Variants in BNC2 observed in about 807,000 individuals in gnomAD.
BNC2 encodes zinc finger protein basonuclin-2.
Under a neutral mutation model 76.3 loss-of-function variants are expected in BNC2, and 20 were observed. The ratio of observed to expected loss-of-function variants is 0.26; its 90% CI spans 0.18 to 0.38. BNC2 has a LOEUF of 0.38. Among genes scored for constraint, BNC2 ranks in the 10% least tolerant of loss-of-function variants. The probability of loss-of-function intolerance (pLI) is 1.00; values close to 1 mark genes in which losing one functional copy is unlikely to be tolerated. For synonymous variants in BNC2, 582 were observed against 514.8 expected (o/e 1.13, Z -1.77); for missense variants, 1,382 against 1,399.8 (o/e 0.99, Z 0.20).
chr9:16,682,073 T>C (rs938177509), intron 3 of BNC2, among the ~76,000 whole-genome samples: 2 of 152,050 alleles, frequency 1.3e-5, no homozygotes, highest in African/African-American at 4.8e-5. Context: ...GGGGATGTTG[T>C]GGATGTATCT....
intron 4 of BNC2, chr9:16,579,967 G>T (rs1168884760): frequency 2.5e-6 from 1 of 396,648 alleles, no homozygotes; most frequent in African/African-American, 2.1e-5. Flanking sequence ...AACCATTCTG[G>T]GCAATGTATC....
chr9:16,575,373 C>G, intron 4 of BNC2: 3 of 985,332 alleles, frequency 3.0e-6, no homozygotes, highest in Non-Finnish European at 3.6e-6. Flanking sequence ...CAGGTCTTGC[C>G]AGCCTCACTT....
chr9:16,452,873 A>T (rs1587044327), intron 5 of BNC2, among the ~76,000 whole-genome samples: 1 of 152,160 alleles, frequency 6.6e-6, no homozygotes, highest in African/African-American at 2.4e-5. Context: ...CTATTTTATA[A>T]GGAAAACTTC....
At chr9:16,497,978 G>GGTGTGTGTGTGTGTGTGTGT (rs34523754) in intron 5 of BNC2, among the ~76,000 whole-genome samples, 3 of 134,840 alleles carry the variant, frequency 2.2e-5, no homozygotes, top group African/African-American at 7.9e-5. Flanking sequence ...AAGAAACTGT[G>GGTGTGTGTGTGTGTGTGTGT]GTGTGTGTGT....
chr9:16,440,681 G>C (rs1440463866), intron 5 of BNC2, among the ~76,000 whole-genome samples: 1 of 152,152 alleles, frequency 6.6e-6, no homozygotes, highest in Non-Finnish European at 1.5e-5. Context: ...GTACAGAGCA[G>C]TCCCATATGG....
chr9:16,838,659 T>C (rs886535074), intron 1 of BNC2, among the ~76,000 whole-genome samples: 3 of 152,200 alleles, frequency 2.0e-5, no homozygotes, highest in Non-Finnish European at 2.9e-5. Context: ...CTACCACATA[T>C]GAACTGCATA....
At chr9:16,716,530 C>G (rs1824001707) in intron 3 of BNC2, among the ~76,000 whole-genome samples, 1 of 152,120 alleles carries the variant, frequency 6.6e-6, no homozygotes, top group Non-Finnish European at 1.5e-5. Context: ...CACAACGACA[C>G]AGCATTTCTA....
At chr9:16,549,055 T>A (rs1193662115) in intron 5 of BNC2, among the ~76,000 whole-genome samples, 7 of 152,162 alleles carry the variant, frequency 4.6e-5, no homozygotes, top group Admixed American at 3.9e-4. Flanking sequence ...ATCACTATCA[T>A]CTCCCTTTTT....
intron 1 of BNC2, among the ~76,000 whole-genome samples, chr9:16,788,060 A>C (rs1826345970): frequency 6.6e-6 from 1 of 152,198 alleles, no homozygotes; most frequent in African/African-American, 2.4e-5. Flanking sequence ...CAGTTCCAGA[A>C]AACTCCTTCT....
At chr9:16,468,040 CTTTTTTTTT>C (rs748053541) in intron 5 of BNC2, among the ~76,000 whole-genome samples, 1 of 129,554 alleles carries the variant, frequency 7.7e-6, no homozygotes, top group South Asian at 2.6e-4. Flanking sequence ...CTTTCTTTCT[CTTTTTTTTT>C]TTTTTTTTTT....
chr9:16,741,442 A>G (rs1451771781), intron 1 of BNC2, among the ~76,000 whole-genome samples: 1 of 150,878 alleles, frequency 6.6e-6, no homozygotes, highest in African/African-American at 2.4e-5. Flanking sequence ...AACAACAGCG[A>G]AACTCCATTT....
chr9:16,685,800 T>A (rs972633089), intron 3 of BNC2, among the ~76,000 whole-genome samples: 6 of 152,252 alleles, frequency 3.9e-5, no homozygotes, highest in Non-Finnish European at 4.4e-5. Context: ...GAATACCATG[T>A]AACAAAGTTT....
intron 2 of BNC2, among the ~76,000 whole-genome samples, chr9:16,731,864 T>C (rs1391288883): frequency 6.6e-6 from 1 of 152,152 alleles, no homozygotes; most frequent in South Asian, 2.1e-4. Flanking sequence ...TGGATAGTAA[T>C]TAAAAGTTGT....
chr9:16,572,241 T>C (rs990699540), intron 4 of BNC2, among the ~76,000 whole-genome samples: 42 of 152,330 alleles, frequency 2.8e-4, no homozygotes, highest in Middle Eastern at 6.8e-3. Context: ...ACTTCCTGGA[T>C]GTTTGGGCTG....
intron 1 of BNC2, among the ~76,000 whole-genome samples, chr9:16,804,838 C>CG (rs1817865646): frequency 6.6e-6 from 1 of 151,962 alleles, no homozygotes. Flanking sequence ...CCGAGGCAGG[C>CG]GGATCACAAG....
intron 3 of BNC2, among the ~76,000 whole-genome samples, chr9:16,717,101 A>G (rs549426039): frequency 9.8e-4 from 150 of 152,304 alleles, no homozygotes; most frequent in African/African-American, 3.4e-3. Flanking sequence ...CTTAATTTCC[A>G]TTATGATTGA....
At chr9:16,829,364 A>G (rs1818527881) in intron 1 of BNC2, among the ~76,000 whole-genome samples, 1 of 152,122 alleles carries the variant, frequency 6.6e-6, no homozygotes, top group Non-Finnish European at 1.5e-5. Flanking sequence ...TTTTTGTTCC[A>G]TATGCATACT....
At chr9:16,628,557 G>A (rs542662058) in intron 3 of BNC2, among the ~76,000 whole-genome samples, 1 of 151,838 alleles carries the variant, frequency 6.6e-6, no homozygotes, top group African/African-American at 2.4e-5. Context: ...TGGGAAACAG[G>A]GGGAGGAACG....
At chr9:16,426,055 G>A (rs1820799178) in intron 6 of BNC2, among the ~76,000 whole-genome samples, 2 of 152,220 alleles carry the variant, frequency 1.3e-5, no homozygotes, top group African/African-American at 4.8e-5. Context: ...TGTTTTCACA[G>A]CATTTGGAAG....
Sources: allele counts gnomAD v4.1 joint callset (sites outside exome capture counted in the v4.1 genomes callset), GRCh38; gene constraint gnomAD v4.1.1; transcripts MANE v1.5; gene names NCBI Gene and HGNC (gene_info 2026-07-23, HGNC 2026-07-21).